The following REDIC1 variants were observed in gnomAD, a reference collection of about 807,000 sequenced individuals.
REDIC1 encodes the protein regulator of DNA class I crossover intermediates 1, also known as HEI10 Interacting Protein 1.
chr12:39,723,884 T>C, the REDIC1 span, among the ~76,000 whole-genome samples: 2 of 152,272 alleles, frequency 1.3e-5, no homozygotes, highest in African/African-American at 4.8e-5. Flanking sequence ...AAAGCACTTA[T>C]AACAATTGCA....
At chr12:39,662,397 G>T in the REDIC1 span, among the ~76,000 whole-genome samples, 28 of 151,930 alleles carry the variant, frequency 1.8e-4, no homozygotes, top group Admixed American at 4.6e-4. Flanking sequence ...TATGTTGTAG[G>T]TATATAATGG....
chr12:39,707,213 A>T, the REDIC1 span, among the ~76,000 whole-genome samples: 4 of 151,924 alleles, frequency 2.6e-5, no homozygotes, highest in Non-Finnish European at 5.9e-5. Flanking sequence ...TTGAATAGAC[A>T]TTTCTCAAAA....
At chr12:39,732,771 A>G in the REDIC1 span, among the ~76,000 whole-genome samples, 1 of 152,130 alleles carries the variant, frequency 6.6e-6, no homozygotes, top group Admixed American at 6.6e-5. Context: ...TGTAATGTTT[A>G]TCCTTATTGA....
At chr12:39,886,370 G>C in the REDIC1 span, among the ~76,000 whole-genome samples, 2 of 152,062 alleles carry the variant, frequency 1.3e-5, no homozygotes, top group South Asian at 4.2e-4. Flanking sequence ...ACTAAAACAT[G>C]CTTGCTCAAT....
At chr12:39,728,142 C>T in the REDIC1 span, among the ~76,000 whole-genome samples, 1 of 151,772 alleles carries the variant, frequency 6.6e-6, no homozygotes, top group African/African-American at 2.4e-5. Context: ...ATTTCTTTCT[C>T]TTGCCTGATT....
the REDIC1 span, among the ~76,000 whole-genome samples, chr12:39,774,110 T>C: frequency 6.6e-6 from 1 of 152,176 alleles, no homozygotes; most frequent in Non-Finnish European, 1.5e-5. Context: ...TCTTTATTGA[T>C]AGAAATTTAT....
chr12:39,630,483 T>C, the REDIC1 span, among the ~76,000 whole-genome samples: 9 of 152,184 alleles, frequency 5.9e-5, no homozygotes, highest in African/African-American at 2.2e-4. Flanking sequence ...CAAGATATTA[T>C]TGAGTGCTAT....
the REDIC1 span, chr12:39,830,283 T>C: frequency 6.3e-7 from 1 of 1,577,310 alleles, no homozygotes; most frequent in Admixed American, 1.8e-5. Flanking sequence ...GTGCTCACCA[T>C]ATACTGGATT....
chr12:39,848,343 C>A, the REDIC1 span, among the ~76,000 whole-genome samples: 1 of 151,924 alleles, frequency 6.6e-6, no homozygotes, highest in Non-Finnish European at 1.5e-5. Context: ...GAAAAACAAC[C>A]CCATTAAAAA....
chr12:39,878,071 T>C, the REDIC1 span, among the ~76,000 whole-genome samples: 2 of 152,198 alleles, frequency 1.3e-5, no homozygotes, highest in Non-Finnish European at 2.9e-5. Flanking sequence ...GCAGGCTTCC[T>C]AAGGCCTCCC....
chr12:39,850,493 G>A, the REDIC1 span, among the ~76,000 whole-genome samples: 14 of 152,094 alleles, frequency 9.2e-5, no homozygotes, highest in Non-Finnish European at 2.9e-5. Flanking sequence ...GGATGCTTAG[G>A]TTTCTGAATT....
At chr12:39,704,151 A>G in the REDIC1 span, among the ~76,000 whole-genome samples, 4 of 151,608 alleles carry the variant, frequency 2.6e-5, no homozygotes, top group Admixed American at 2.0e-4. Flanking sequence ...ACAAAATGGG[A>G]GAAAATTTTC....
At chr12:39,690,896 T>A in the REDIC1 span, among the ~76,000 whole-genome samples, 2 of 152,172 alleles carry the variant, frequency 1.3e-5, no homozygotes. Flanking sequence ...CTCAAACAGA[T>A]CTGAAGTAGG....
the REDIC1 span, among the ~76,000 whole-genome samples, chr12:39,717,161 TACAC>T: frequency 1.3e-5 from 2 of 149,608 alleles, no homozygotes; most frequent in South Asian, 2.1e-4. Context: ...TATACACACA[TACAC>T]ACACACACAC....
chr12:39,907,480 AG>A, the REDIC1 span, among the ~76,000 whole-genome samples: 2 of 152,174 alleles, frequency 1.3e-5, no homozygotes, highest in Non-Finnish European at 2.9e-5. Context: ...TCAGTGCCCT[AG>A]GATTCCTACA....
At chr12:39,906,195 A>G in the REDIC1 span, among the ~76,000 whole-genome samples, 5 of 152,114 alleles carry the variant, frequency 3.3e-5, no homozygotes, top group Admixed American at 1.3e-4. Flanking sequence ...AATAATCCCA[A>G]TTTTCAATTC....
the REDIC1 span, among the ~76,000 whole-genome samples, chr12:39,815,677 TCTA>T: frequency 6.6e-6 from 1 of 152,184 alleles, no homozygotes; most frequent in Non-Finnish European, 1.5e-5. Context: ...GGAAAGCAGT[TCTA>T]CTAAAGGGCA....
the REDIC1 span, among the ~76,000 whole-genome samples, chr12:39,777,198 G>A: frequency 2.0e-5 from 3 of 152,134 alleles, no homozygotes; most frequent in Non-Finnish European, 4.4e-5. Context: ...GCCATAATGA[G>A]CCAATCATAT....
chr12:39,627,677 C>G, the REDIC1 span, among the ~76,000 whole-genome samples: 2 of 151,970 alleles, frequency 1.3e-5, no homozygotes, highest in African/African-American at 4.8e-5. Flanking sequence ...TACATCTCCC[C>G]GAAGGATCAG....
Sources: gnomAD v4.1 joint callset for allele counts (sites outside exome capture counted in the v4.1 genomes callset) on GRCh38, gnomAD v4.1.1 for gene constraint, MANE v1.5 for transcripts, NCBI Gene and HGNC (gene_info 2026-07-23, HGNC 2026-07-21) for gene names.